The following KHDRBS2 variants were observed in gnomAD, a reference collection of about 807,000 sequenced individuals.
The protein encoded by KHDRBS2 is KH domain-containing, RNA-binding, signal transduction-associated protein 2.
In KHDRBS2, 26 loss-of-function variants were observed where a neutral mutation model predicts 44.3. The ratio of observed to expected loss-of-function variants is 0.59; its 90% CI spans 0.43 to 0.81. The LOEUF (loss-of-function observed/expected upper bound fraction) is 0.81, where lower values mean the gene tolerates loss of function less well. KHDRBS2 is among the 40% of genes least tolerant of loss of function. The pLI is 0.00. For synonymous variants in KHDRBS2, 194 were observed against 151.1 expected (o/e 1.28, Z -2.08); for missense variants, 476 against 433.1 (o/e 1.10, Z -0.88).
intron 4 of KHDRBS2, among the ~76,000 whole-genome samples, chr6:61,944,964 G>T (rs1438175531): frequency 6.6e-6 from 1 of 150,758 alleles, no homozygotes; most frequent in Admixed American, 6.6e-5. Flanking sequence ...GGTGACACTT[G>T]CCTGTAATCC....
chr6:61,861,992 A>G (rs1797053342), intron 6 of KHDRBS2, among the ~76,000 whole-genome samples: 1 of 152,062 alleles, frequency 6.6e-6, no homozygotes, highest in African/African-American at 2.4e-5. Flanking sequence ...ATGGGAGTTC[A>G]TTAATGATTT....
intron 6 of KHDRBS2, among the ~76,000 whole-genome samples, chr6:61,780,667 C>T (rs1415691803): frequency 2.6e-5 from 4 of 152,182 alleles, no homozygotes; most frequent in African/African-American, 4.8e-5. Flanking sequence ...ACAAATCTAG[C>T]TGTGGCTTTC....
intron 4 of KHDRBS2, among the ~76,000 whole-genome samples, chr6:61,956,746 C>G (rs1358963198): frequency 7.9e-5 from 12 of 152,182 alleles, no homozygotes; most frequent in Admixed American, 7.9e-4. Flanking sequence ...CTCCACATAC[C>G]AAGCTATGTG....
chr6:61,921,055 A>G (rs1393957874), intron 4 of KHDRBS2, among the ~76,000 whole-genome samples: 1 of 152,042 alleles, frequency 6.6e-6, no homozygotes, highest in Non-Finnish European at 1.5e-5. Context: ...GAAAGAACAG[A>G]AATGCTCAAG....
intron 7 of KHDRBS2, among the ~76,000 whole-genome samples, chr6:61,720,548 A>T (rs1248844623): frequency 6.6e-6 from 1 of 152,072 alleles, no homozygotes; most frequent in Non-Finnish European, 1.5e-5. Flanking sequence ...ACATTTTTTC[A>T]TGTGTTTTTT....
chr6:62,275,923 T>C (rs979224825), intron 1 of KHDRBS2, among the ~76,000 whole-genome samples: 2 of 152,180 alleles, frequency 1.3e-5, no homozygotes, highest in Admixed American at 6.5e-5. Flanking sequence ...CCTAAGCCAC[T>C]GTATATGTTC....
At chr6:61,953,694 A>G (rs1250405355) in intron 4 of KHDRBS2, among the ~76,000 whole-genome samples, 1 of 152,090 alleles carries the variant, frequency 6.6e-6, no homozygotes, top group Non-Finnish European at 1.5e-5. Flanking sequence ...TAAAAAGCAC[A>G]TGACCCACCC....
At chr6:61,581,260 G>A in the KHDRBS2 span, among the ~76,000 whole-genome samples, 1 of 152,024 alleles carries the variant, frequency 6.6e-6, no homozygotes, top group East Asian at 1.9e-4. Context: ...CCTCAAAATT[G>A]GATGCTTGTG....
intron 8 of KHDRBS2, among the ~76,000 whole-genome samples, chr6:61,689,388 C>T (rs757197464): frequency 7.2e-5 from 11 of 151,920 alleles, no homozygotes; most frequent in East Asian, 1.9e-4. Flanking sequence ...TGTAGCCAGC[C>T]GGTCAGAAGT....
At chr6:62,095,146 CTA>C (rs1188458474) in intron 2 of KHDRBS2, among the ~76,000 whole-genome samples, 3 of 151,618 alleles carry the variant, frequency 2.0e-5, no homozygotes, top group East Asian at 1.9e-4. Context: ...TGAAAATATT[CTA>C]TATGTTTTCT....
At chr6:61,645,039 A>G in the KHDRBS2 span, among the ~76,000 whole-genome samples, 3 of 152,154 alleles carry the variant, frequency 2.0e-5, no homozygotes, top group Admixed American at 2.0e-4. Context: ...AGCACTATTC[A>G]CAATAGCAAA....
intron 3 of KHDRBS2, among the ~76,000 whole-genome samples, chr6:62,013,389 A>G (rs970450489): frequency 6.6e-5 from 10 of 152,168 alleles, no homozygotes; most frequent in South Asian, 4.1e-4. Context: ...AAATGTATCA[A>G]TTAAAATTTA....
chr6:61,993,674 T>TATATATA (rs58974944), intron 3 of KHDRBS2, among the ~76,000 whole-genome samples: 31 of 84,312 alleles, frequency 3.7e-4, no homozygotes, highest in East Asian at 8.2e-4. Flanking sequence ...TATATATATA[T>TATATATA]TTTTTTTTTT....
At chr6:61,991,313 T>A (rs555490064) in intron 3 of KHDRBS2, among the ~76,000 whole-genome samples, 1 of 152,254 alleles carries the variant, frequency 6.6e-6, no homozygotes, top group East Asian at 1.9e-4. Context: ...CAAGAACATC[T>A]TTGTAGATAG....
chr6:61,616,796 A>G, the KHDRBS2 span, among the ~76,000 whole-genome samples: 1 of 152,004 alleles, frequency 6.6e-6, no homozygotes, highest in African/African-American at 2.4e-5. Flanking sequence ...CATGTAATAG[A>G]CCCAGCTCCC....
the KHDRBS2 span, among the ~76,000 whole-genome samples, chr6:61,663,247 T>A: frequency 1.4e-5 from 1 of 73,982 alleles, no homozygotes; most frequent in Non-Finnish European, 2.4e-5. Context: ...CCAGGGCCTG[T>A]TGTGGGGTGG....
the KHDRBS2 span, among the ~76,000 whole-genome samples, chr6:61,605,912 CAAA>C: frequency 6.6e-6 from 1 of 152,154 alleles, no homozygotes; most frequent in Admixed American, 6.5e-5. Flanking sequence ...TGAAGAATCA[CAAA>C]AGAAGTGAAA....
chr6:61,703,245 G>T (rs896132711), intron 7 of KHDRBS2, among the ~76,000 whole-genome samples: 3 of 151,626 alleles, frequency 2.0e-5, no homozygotes, highest in African/African-American at 7.3e-5. Flanking sequence ...ATAATGAAAA[G>T]TATACAGCCA....
At chr6:61,686,630 T>G (rs1387076166) in intron 8 of KHDRBS2, among the ~76,000 whole-genome samples, 1 of 151,722 alleles carries the variant, frequency 6.6e-6, no homozygotes, top group Non-Finnish European at 1.5e-5. Context: ...GTGTATATTA[T>G]TAGCAAATAT....
Sources: gnomAD v4.1 joint callset for allele counts (sites outside exome capture counted in the v4.1 genomes callset) on GRCh38, gnomAD v4.1.1 for gene constraint, MANE v1.5 for transcripts, NCBI Gene and HGNC (gene_info 2026-07-23, HGNC 2026-07-21) for gene names.